The following JAZF1 variants were observed in gnomAD, a reference collection of about 807,000 sequenced individuals.
JAZF1 encodes the protein juxtaposed with another zinc finger protein 1.
JAZF1 carries 8 observed loss-of-function variants against 26.4 expected under a neutral mutation model. The ratio of observed to expected loss-of-function variants is 0.30; its 90% CI spans 0.18 to 0.55. JAZF1 has a LOEUF of 0.55. Among genes scored for constraint, JAZF1 ranks in the 20% least tolerant of loss-of-function variants. The pLI, the probability that JAZF1 is intolerant of heterozygous loss-of-function variation, is 0.94. For missense variants in JAZF1, 199 were observed against 322.0 expected, an observed-to-expected ratio of 0.62 and a Z score of 2.92; for synonymous variants, 126 against 122.3, an observed-to-expected ratio of 1.03 and a Z score of -0.20.
intron 1 of JAZF1, among the ~76,000 whole-genome samples, chr7:28,011,979 T>C (rs140844344): frequency 5.3e-4 from 80 of 152,340 alleles, no homozygotes; most frequent in African/African-American, 1.9e-3. Flanking sequence ...ATGTTTTCAT[T>C]TAACTTTAAA....
At chr7:27,982,392 G>A (rs34079332) in intron 2 of JAZF1, among the ~76,000 whole-genome samples, 50,521 of 152,026 alleles carry the variant, frequency 0.33, 9,407 homozygotes, top group Middle Eastern at 0.44. Flanking sequence ...AGGCGGCAGC[G>A]AGGCTGGGGG....
chr7:27,913,244 T>A (rs1053431724), intron 2 of JAZF1: 4 of 177,522 alleles, frequency 2.3e-5, no homozygotes, highest in Non-Finnish European at 4.6e-5. Context: ...TACATAGATA[T>A]TTATGTTTAC....
intron 3 of JAZF1, among the ~76,000 whole-genome samples, chr7:27,861,647 T>C (rs938080928): frequency 6.6e-6 from 1 of 152,164 alleles, no homozygotes; most frequent in Non-Finnish European, 1.5e-5. Flanking sequence ...GTTTCTCCGG[T>C]GTGCCTTTTT....
intron 2 of JAZF1, among the ~76,000 whole-genome samples, chr7:27,977,410 G>A (rs1785495306): frequency 6.6e-6 from 1 of 152,152 alleles, no homozygotes; most frequent in Non-Finnish European, 1.5e-5. Flanking sequence ...TGGTTTTAGG[G>A]ATCATTGGGG....
intron 4 of JAZF1, among the ~76,000 whole-genome samples, chr7:27,835,771 CAA>C (rs1782795302): frequency 6.6e-6 from 1 of 152,042 alleles, no homozygotes; most frequent in Non-Finnish European, 1.5e-5. Context: ...AAAGATCCAC[CAA>C]AGTTTATTTC....
intron 1 of JAZF1, among the ~76,000 whole-genome samples, chr7:28,069,191 A>C (rs955076715): frequency 2.0e-5 from 3 of 152,258 alleles, no homozygotes; most frequent in Non-Finnish European, 4.4e-5. Context: ...AGAGCCAGCT[A>C]TCTGGACTCC....
rs1785439485 is a variant in JAZF1 at position 27,974,782 on chromosome 7, G to A, written c.188+17127C>T. On this transcript the variant is annotated intron_variant, in intron 2 of 4. Transcript: ENST00000283928. The stretch of plus-strand genomic sequence containing the variant: ...AAGCTATGAAGGAATACCTGAGACT[G>A]GGTAATTTATAAAGAAAAGAAAAGA... Among the ~76,000 whole-genome samples the A allele has an allele frequency of 2.6e-5, 4 of 152,118 alleles. No individual in the cohort carries two copies. In the South Asian group the frequency reaches 8.3e-4, roughly 32 times the overall value.
intron 2 of JAZF1, among the ~76,000 whole-genome samples, chr7:27,906,057 A>T (rs184932664): frequency 4.8e-4 from 73 of 152,370 alleles, no homozygotes; most frequent in African/African-American, 1.7e-3. Context: ...CGAAAAATTC[A>T]GTTGCAAGGA....
chr7:28,103,463 T>A (rs774681879), intron 1 of JAZF1, among the ~76,000 whole-genome samples: 32 of 151,786 alleles, frequency 2.1e-4, no homozygotes, highest in African/African-American at 5.3e-4. Flanking sequence ...TCTAAAATAT[T>A]TTTTTTTAAT....
chr7:27,992,045 A>C (rs547862114), intron 1 of JAZF1, 64 bp from the exon 2 acceptor site: 102 of 911,878 alleles, frequency 1.1e-4, no homozygotes, highest in Non-Finnish European at 1.7e-4. Context: ...AGGCTACCTA[A>C]CACAAAGTAA....
chr7:28,148,824 G>A (rs766377078), intron 1 of JAZF1, among the ~76,000 whole-genome samples: 5 of 152,168 alleles, frequency 3.3e-5, no homozygotes, highest in South Asian at 2.1e-4. Flanking sequence ...ACAAAGGAAC[G>A]AGGCAGGATT....
intron 1 of JAZF1, among the ~76,000 whole-genome samples, chr7:28,167,593 G>A (rs1783389586): frequency 6.6e-6 from 1 of 152,176 alleles, no homozygotes; most frequent in Non-Finnish European, 1.5e-5. Context: ...TAGATCATCT[G>A]TAAGTTTCCT....
chr7:27,849,990 T>C (rs1396824016), intron 3 of JAZF1, among the ~76,000 whole-genome samples: 2 of 152,208 alleles, frequency 1.3e-5, no homozygotes, highest in African/African-American at 4.8e-5. Context: ...GTTCTCATTC[T>C]TCATAGTCAT....
chr7:27,976,372 T>C (rs1349535325), intron 2 of JAZF1, among the ~76,000 whole-genome samples: 1 of 124,208 alleles, frequency 8.1e-6, no homozygotes, highest in South Asian at 2.3e-4. Context: ...AAAAAAAGAA[T>C]ATATGGTCTT....
chr7:27,881,433 A>AT (rs1454151671), intron 3 of JAZF1, among the ~76,000 whole-genome samples: 1 of 152,270 alleles, frequency 6.6e-6, no homozygotes, highest in Non-Finnish European at 1.5e-5. Flanking sequence ...AGTGGCTTTA[A>AT]TTAAACACTT....
At chr7:27,954,461 T>A (rs956276987) in intron 2 of JAZF1, among the ~76,000 whole-genome samples, 31 of 152,154 alleles carry the variant, frequency 2.0e-4, no homozygotes, top group Non-Finnish European at 3.7e-4. Context: ...CAGGGCATCC[T>A]TGTCCATCTG....
At chr7:28,093,689 T>A (rs1345985286) in intron 1 of JAZF1, among the ~76,000 whole-genome samples, 1 of 152,238 alleles carries the variant, frequency 6.6e-6, no homozygotes, top group East Asian at 1.9e-4. Flanking sequence ...TGGGTTGTTT[T>A]GCCCATTCAG....
At chr7:28,134,038 A>G (rs1782841260) in intron 1 of JAZF1, among the ~76,000 whole-genome samples, 1 of 152,184 alleles carries the variant, frequency 6.6e-6, no homozygotes, top group Non-Finnish European at 1.5e-5. Flanking sequence ...CTTCCATACT[A>G]CAACCCAAAC....
intron 3 of JAZF1, among the ~76,000 whole-genome samples, chr7:27,855,227 T>G (rs1186002644): frequency 6.6e-6 from 1 of 151,982 alleles, no homozygotes; most frequent in Non-Finnish European, 1.5e-5. Context: ...GCTAAAGCAG[T>G]GTGTAGAGGG....
Sources: allele counts gnomAD v4.1 joint callset (sites outside exome capture counted in the v4.1 genomes callset), GRCh38; gene constraint gnomAD v4.1.1; transcripts MANE v1.5; gene names NCBI Gene and HGNC (gene_info 2026-07-23, HGNC 2026-07-21).